The following GLT1D1 variants were observed in gnomAD, a reference collection of about 807,000 sequenced individuals.
The protein encoded by GLT1D1 is glycosyltransferase 1 domain containing 1, also known as glycosyltransferase 1 domain-containing protein 1.
Under a neutral mutation model 28.7 loss-of-function variants are expected in GLT1D1, and 21 were observed. The ratio of observed to expected loss-of-function variants is 0.73; its 90% CI spans 0.52 to 1.05. The LOEUF is 1.05. Ranked by LOEUF, GLT1D1 falls within the 50% of genes least tolerant of loss-of-function variation. The probability of loss-of-function intolerance (pLI) is 0.00; values close to 1 mark genes in which losing one functional copy is unlikely to be tolerated. For missense variants in GLT1D1, 343 were observed against 330.6 expected, an observed-to-expected ratio of 1.04 and a Z score of -0.29; for synonymous variants, 147 against 124.8, an observed-to-expected ratio of 1.18 and a Z score of -1.19.
chr12:128,860,410 G>A (rs763474562), intron 1 of GLT1D1, among the ~76,000 whole-genome samples: 9 of 152,322 alleles, frequency 5.9e-5, no homozygotes, highest in Admixed American at 3.9e-4. Flanking sequence ...GCAGTGAGCC[G>A]AGATTGTACC....
chr12:128,942,093 T>G (rs1172428197), intron 4 of GLT1D1, among the ~76,000 whole-genome samples: 1 of 151,844 alleles, frequency 6.6e-6, no homozygotes, highest in Non-Finnish European at 1.5e-5. Flanking sequence ...TCTTTTTTTT[T>G]TTTCCACTGT....
At chr12:128,945,064 C>T (rs540810201) in intron 4 of GLT1D1, 61 of 657,064 alleles carry the variant, frequency 9.3e-5, no homozygotes, top group Middle Eastern at 3.2e-4. Flanking sequence ...TTCTGCGCCC[C>T]GCAGCATGTT....
At chr12:128,932,445 G>A (rs180713649) in intron 4 of GLT1D1, among the ~76,000 whole-genome samples, 47 of 152,334 alleles carry the variant, frequency 3.1e-4, no homozygotes, top group African/African-American at 1.0e-3. Flanking sequence ...CCCTGCAGCA[G>A]AGTGTCCGGG....
At chr12:128,875,863 A>G in intron 1 of GLT1D1, 51 bp from the exon 2 acceptor site, 2 of 1,533,796 alleles carry the variant, frequency 1.3e-6, no homozygotes, top group Non-Finnish European at 1.8e-6. Context: ...AACCTGTTAC[A>G]TATTAACATT....
At chr12:128,882,274 A>ATTTTT (rs533208189) in intron 2 of GLT1D1, among the ~76,000 whole-genome samples, 1 of 133,542 alleles carries the variant, frequency 7.5e-6, no homozygotes, top group Admixed American at 8.0e-5. Flanking sequence ...GTATAACGCA[A>ATTTTT]TTTTTTTTTT....
chr12:128,899,546 G>GT (rs34973787), intron 4 of GLT1D1, among the ~76,000 whole-genome samples: 2 of 124,620 alleles, frequency 1.6e-5, no homozygotes, highest in African/African-American at 5.8e-5. Context: ...TTTTGTTGCT[G>GT]TTTTTTTTTT....
At chr12:128,980,185 T>C (rs1880186857) in intron 7 of GLT1D1, among the ~76,000 whole-genome samples, 1 of 152,168 alleles carries the variant, frequency 6.6e-6, no homozygotes, top group South Asian at 2.1e-4. Flanking sequence ...ATTCTGTTGG[T>C]TGGAGGCAAG....
At position 128,983,713 on chromosome 12, in the gene GLT1D1, C is replaced by G. The variant is rs1056312003; in HGVS notation, c.*623C>G. On this transcript the variant is annotated 3_prime_UTR_variant, in exon 8 of 8. Coordinates refer to ENST00000281703, the MANE Select transcript of GLT1D1 (RefSeq NM_144669.3). The surrounding 1 kb of genome is among the most constrained non-coding windows in gnomAD (Gnocchi z 4.7). ...AAAGTGGCCAGGCTGCCCGCAGGCC[C>G]CGCCCACCTCTTGGCTGAATTTGAG... The G allele has an allele frequency of 6.6e-6, 1 of 152,328 alleles. No individual in the cohort carries two copies. The highest frequency in any genetic ancestry group is 1.5e-5 in the Non-Finnish European group (1 of 68,138). The allele number at this position is 152,328 out of a possible 1,614,324, so 9.4% of individuals were successfully genotyped here.
chr12:128,934,196 GTCTT>G (rs1593154044), intron 4 of GLT1D1, among the ~76,000 whole-genome samples: 5 of 128,686 alleles, frequency 3.9e-5, no homozygotes, highest in African/African-American at 2.9e-5. Flanking sequence ...CAAAGAGACA[GTCTT>G]TTTTTTTTTT....
intron 4 of GLT1D1, among the ~76,000 whole-genome samples, chr12:128,932,480 T>C (rs1351428146): frequency 6.6e-6 from 1 of 152,200 alleles, no homozygotes; most frequent in African/African-American, 2.4e-5. Context: ...GACTGTGGTC[T>C]GAGAGTTTTT....
chr12:128,920,261 G>C (rs1006569854), intron 4 of GLT1D1, among the ~76,000 whole-genome samples: 1 of 152,162 alleles, frequency 6.6e-6, no homozygotes, highest in Admixed American at 6.5e-5. Flanking sequence ...ATAATGAAGA[G>C]TGTGTCCTGG....
chr12:128,977,949 A>T (rs1879941441), intron 7 of GLT1D1, among the ~76,000 whole-genome samples: 2 of 150,990 alleles, frequency 1.3e-5, no homozygotes, highest in African/African-American at 4.9e-5. Context: ...TGACTAGCTA[A>T]TTTTTTTGTA....
chr12:128,907,036 G>A (rs1870952110), intron 4 of GLT1D1: 1 of 692,912 alleles, frequency 1.4e-6, no homozygotes, highest in Admixed American at 2.1e-5. Context: ...AAAGTCTGCA[G>A]TAGAAGCATG....
At chr12:128,864,154 G>A in intron 1 of GLT1D1, 1 of 687,224 alleles carries the variant, frequency 1.5e-6, no homozygotes, top group Non-Finnish European at 2.6e-6. Flanking sequence ...CATGCTGACT[G>A]CGAGGTGCCT....
intron 2 of GLT1D1, among the ~76,000 whole-genome samples, chr12:128,881,546 AAAAAAAAAAAAAAAAAT>A (rs1256935281): frequency 1.3e-4 from 10 of 77,900 alleles, no homozygotes; most frequent in South Asian, 7.7e-4. Flanking sequence ...AAAAAAAAAA[AAAAAAAAAAAAAAAAAT>A]ATATATATAT....
At chr12:128,923,996 G>A (rs1355096177) in intron 4 of GLT1D1, among the ~76,000 whole-genome samples, 2 of 152,004 alleles carry the variant, frequency 1.3e-5, no homozygotes, top group East Asian at 3.9e-4. Context: ...TGATGCTGGG[G>A]TTTGGCCCTG....
intron 4 of GLT1D1, among the ~76,000 whole-genome samples, chr12:128,933,174 C>T (rs1305991985): frequency 3.3e-5 from 5 of 152,312 alleles, no homozygotes; most frequent in South Asian, 2.1e-4. Flanking sequence ...CCTAAAAGCC[C>T]TGTTTATCAG....
intron 7 of GLT1D1, among the ~76,000 whole-genome samples, chr12:128,973,810 A>G (rs1879474706): frequency 6.6e-6 from 1 of 152,058 alleles, no homozygotes; most frequent in Non-Finnish European, 1.5e-5. Context: ...AAAGTGAGCG[A>G]ATGAGAAGCA....
At chr12:128,873,892 G>GT (rs1956762739) in intron 1 of GLT1D1, among the ~76,000 whole-genome samples, 2 of 88,400 alleles carry the variant, frequency 2.3e-5, no homozygotes, top group African/African-American at 9.3e-5. Context: ...CCTCTCTCTT[G>GT]CTCCCTTTCT....
Sources: gnomAD v4.1 joint callset for allele counts (sites outside exome capture counted in the v4.1 genomes callset) on GRCh38, gnomAD v4.1.1 for gene constraint, Gnocchi (gnomAD v3.1) non-coding constraint, MANE v1.5 for transcripts, NCBI Gene and HGNC (gene_info 2026-07-23, HGNC 2026-07-21) for gene names.